Variants in GARS1 observed in about 807,000 individuals in gnomAD.
GARS1 encodes glycyl-tRNA synthetase 1.
Under a neutral mutation model 86.4 loss-of-function variants are expected in GARS1, and 46 were observed. That is an observed-to-expected ratio of 0.53 (90% confidence interval 0.42 to 0.68). The LOEUF is 0.68. Among genes scored for constraint, GARS1 ranks in the 30% least tolerant of loss-of-function variants. GARS1 has a pLI of 0.00. For missense variants in GARS1, 797 were observed against 915.6 expected (o/e 0.87, Z 1.67); for synonymous variants, 342 against 329.8 (o/e 1.04, Z -0.40).
chr7:30,609,454 G>T (rs1791549564), intron 6 of GARS1, 131 bp from the exon 7 acceptor site: 3 of 745,464 alleles, frequency 4.0e-6, no homozygotes, highest in Non-Finnish European at 7.0e-6. Context: ...TGTCCTGAAG[G>T]TTAGGTTAAT....
rs267601479 is a variant in GARS1 at position 30,615,951 on chromosome 7, C to G, written c.1087C>G (p.Pro363Ala). The G allele has an allele frequency of 3.1e-6, 5 of 1,613,994 alleles. No homozygotes were observed. The highest frequency in any genetic ancestry group is 2.7e-5 in the African/African-American group (2 of 74,896). Reference sequence around the variant, plus strand: ...TGTAGATCCCAGTGAGAAAGACCACCCCAAGTTCCAGAATGTGGCAGACCT... The same window carrying G: ...TGTAGATCCCAGTGAGAAAGACCACGCCAAGTTCCAGAATGTGGCAGACCT... ...HFVDPSEKDH[P>A]KFQNVADLHL... The change falls in exon 9 of 17, where the codon CCC becomes GCC. Residue 363 changes from proline to alanine, a missense_variant. By Grantham distance (27) the Pro-to-Ala change is conservative. Transcript: ENST00000389266.
intron 3 of GARS1, among the ~76,000 whole-genome samples, chr7:30,600,679 A>G (rs1791355249): frequency 6.6e-6 from 1 of 152,246 alleles, no homozygotes; most frequent in Non-Finnish European, 1.5e-5. Context: ...AGTGCCTCAA[A>G]TACCCAGGAA....
intron 8 of GARS1, among the ~76,000 whole-genome samples, chr7:30,615,490 A>G (rs945923098): frequency 2.0e-5 from 3 of 152,228 alleles, no homozygotes; most frequent in Admixed American, 6.5e-5. Flanking sequence ...TTAAAAAACT[A>G]TATTAATCTG....
At chr7:30,627,811 T>G (rs1237707591) in intron 13 of GARS1, among the ~76,000 whole-genome samples, 1 of 152,240 alleles carries the variant, frequency 6.6e-6, no homozygotes, top group Non-Finnish European at 1.5e-5. Flanking sequence ...ATGTAATACT[T>G]TTTGCATGTA....
At chr7:30,626,168 T>A in intron 12 of GARS1, 66 bp from the exon 13 acceptor site, 1 of 934,672 alleles carries the variant, frequency 1.1e-6, no homozygotes, top group Non-Finnish European at 1.7e-6. Flanking sequence ...ATCTACAAAA[T>A]TCCTTTAAAT....
In GARS1 at chr7:30,633,944, G is replaced by T; in HGVS notation, c.*84G>T. The T allele has an allele frequency of 1.3e-6, 2 of 1,518,806 alleles. No individual in the cohort carries two copies. Among genetic ancestry groups the T allele is most frequent in the East Asian group, 4.6e-5 (2 of 43,568 alleles). 94.1% of individuals were successfully genotyped at this position (1,518,806 alleles called of 1,614,324 possible). A position where few individuals can be genotyped will look rare whatever the true frequency, so the allele number is the denominator to read the frequency against. ...TATGTCCACTTTACAAAAGAAAACA[G>T]CATTGTGATTACTCCCAGGGACCGT... On this transcript the variant is annotated 3_prime_UTR_variant, in exon 17 of 17. Transcript: ENST00000389266.
At chr7:30,625,609 A>C (rs546462410) in intron 12 of GARS1, among the ~76,000 whole-genome samples, 1 of 152,354 alleles carries the variant, frequency 6.6e-6, no homozygotes, top group East Asian at 1.9e-4. Context: ...CTCTTTATAA[A>C]GATGAATTCT....
At position 30,609,880 on chromosome 7, in the gene GARS1, A is replaced by C. The variant is rs888449453; in HGVS notation, c.881+150A>C. On this transcript the variant is annotated intron_variant, in intron 7 of 16. Transcript: ENST00000389266. ...ATGTATTATGGAGAAATAATGGCAG[A>C]AATAAATCTTTTAAAAAATTCTTTC... The C allele has an allele frequency of 5.9e-6, 4 of 683,378 alleles. No individual in the cohort carries two copies. The African/African-American group carries it at 7.3e-5, about 12-fold the overall frequency. The allele number at this position is 683,378 out of a possible 1,614,324, so 42.3% of individuals were successfully genotyped here. A position where few individuals can be genotyped will look rare whatever the true frequency, so the allele number is the denominator to read the frequency against.
chr7:30,625,377 C>T (rs973704020), intron 12 of GARS1, among the ~76,000 whole-genome samples: 3 of 152,282 alleles, frequency 2.0e-5, no homozygotes, highest in Non-Finnish European at 2.9e-5. Flanking sequence ...ATAGTAAAAA[C>T]GGAAGAATTC....
In GARS1 at chr7:30,594,929, C is replaced by G; in HGVS notation, c.8C>G (p.Ser3Cys). The change falls in exon 1 of 17, where the codon TCT becomes TGT. Residue 3 changes from serine (S) to cysteine (C), a missense_variant. By Grantham distance (112) the Ser-to-Cys change is moderately radical. This residue lies in a region of GARS1 where 199 missense variants were observed against 176.9 expected (regional missense o/e 1.12). Transcript: ENST00000389266. ...GCCCAGGGCCGCAGGCTCATGCCCT[C>G]TCCGCGTCCAGTGCTGCTTAGAGGT... Reference protein sequence around the residue: MPSPRPVLLRGAR... With the variant: MPCPRPVLLRGAR... The G allele has an allele frequency of 6.3e-7, 1 of 1,589,328 alleles. No individual in the cohort carries two copies. Among genetic ancestry groups the G allele is most frequent in the South Asian group, 1.1e-5 (1 of 88,926 alleles).
intron 9 of GARS1, among the ~76,000 whole-genome samples, chr7:30,616,647 A>G (rs894681781): frequency 1.3e-5 from 2 of 152,216 alleles, no homozygotes; most frequent in African/African-American, 4.8e-5. Flanking sequence ...AGATGGGGCT[A>G]GATGTTTTCT....
In GARS1 at chr7:30,622,347, A is replaced by T. The variant is rs1168730606; in HGVS notation, c.1498A>T (p.Ser500Cys). Residue 500 changes from serine (S) to cysteine (C), a missense_variant, in exon 12 of 17, where the codon AGT becomes TGT. Physicochemically the swap from Ser to Cys is moderately radical, Grantham distance 112. This residue lies in a region of GARS1 where 598 missense variants were observed against 738.7 expected (regional missense o/e 0.81). Transcript: ENST00000389266. ...AGTCAATGTTGTTCAGTTTGAACCC[A>T]GTAAGGGAGCAATTGGTAAGGCATA... is the stretch of plus-strand genomic sequence containing the variant. ...KTVNVVQFEP[S>C]KGAIGKAYKK... 3.7e-6 allele frequency: 6 copies of T among 1,614,178 alleles called. No individual in the cohort carries two copies. The Admixed American group carries it at 1.0e-4, about 27-fold the overall frequency.
Position 30,617,269 on chromosome 7 carries a change from A to G in GARS1, c.1350A>G (p.Lys450=). The change falls in exon 10 of 17, where the codon AAA becomes AAG. Residue 450 remains lysine, a synonymous_variant. Coordinates refer to ENST00000389266, the MANE Select transcript of GARS1 (RefSeq NM_002047.4). ...YACDCWDAES[K]TSYGWIEIVG... ...GTGACTGTTGGGATGCAGAATCCAA[A>G]ACATCCTACGTAAGTGGAGTGCTGT... 6.2e-7 allele frequency: 1 copy of G among 1,613,984 alleles called. No individual in the cohort carries two copies. The highest frequency in any genetic ancestry group is 1.1e-5 in the South Asian group (1 of 91,066).
At position 30,615,985 on chromosome 7, in the gene GARS1, A is replaced by G. The variant is rs2128134475; in HGVS notation, c.1121A>G (p.Tyr374Cys). 3 of 1,614,174 alleles carry G rather than the reference A, an allele frequency of 1.9e-6. No individual in the cohort carries two copies. Among genetic ancestry groups the G allele is most frequent in the East Asian group, 2.2e-5 (1 of 44,892 alleles). ...CAGAATGTGGCAGACCTTCACCTTT[A>G]TTTGTATTCAGCAAAAGCCCAGGTC... ...KFQNVADLHL[Y>C]LYSAKAQVSG... The change falls in exon 9 of 17, where the codon TAT becomes TGT. Residue 374 changes from tyrosine (Y) to cysteine (C), a missense_variant. Physicochemically the swap from Tyr to Cys is radical, Grantham distance 194. Coordinates refer to ENST00000389266, the MANE Select transcript of GARS1 (RefSeq NM_002047.4).
intron 3 of GARS1, 140 bp from the exon 4 acceptor site, chr7:30,600,919 G>C: frequency 1.4e-6 from 1 of 713,530 alleles, no homozygotes; most frequent in Non-Finnish European, 2.4e-6. Context: ...CTGAAAGTAA[G>C]GTTCTTCAGT....
chr7:30,602,637 A>G (rs946207195), intron 4 of GARS1, among the ~76,000 whole-genome samples: 3 of 152,226 alleles, frequency 2.0e-5, no homozygotes, highest in South Asian at 2.1e-4. Context: ...TTAAGGTTCA[A>G]TGTCTATACT....
At chr7:30,595,313 G>A (rs771148911) in intron 1 of GARS1, among the ~76,000 whole-genome samples, 170 bp downstream of exon 1, 1 of 152,002 alleles carries the variant, frequency 6.6e-6, no homozygotes, top group Non-Finnish European at 1.5e-5. Flanking sequence ...CAAGTCCCCC[G>A]TGCGTCAGCC....
intron 6 of GARS1, among the ~76,000 whole-genome samples, chr7:30,606,305 C>CTTT (rs35302357): frequency 4.7e-5 from 6 of 127,506 alleles, no homozygotes; most frequent in Admixed American, 1.6e-4. Context: ...CATTGTTATT[C>CTTT]TTTTTTTTTT....
chr7:30,595,137 C>G lies in GARS1; in HGVS notation c.216C>G (p.Arg72=). Residue 72 remains arginine (R), a synonymous_variant, in exon 1 of 17, where the codon CGC becomes CGG. Transcript: ENST00000389266. ...EVLAPLRLAV[R]QQGDLVRKLK... ...TGGCACCTCTGAGGCTAGCAGTGCGCCAGCAGGTACCGGTGTTTTGCGCTC... is the reference window on the plus strand; with the variant it reads ...TGGCACCTCTGAGGCTAGCAGTGCGGCAGCAGGTACCGGTGTTTTGCGCTC... 1 of 1,537,322 alleles carries G rather than the reference C, an allele frequency of 6.5e-7. No homozygotes were observed. Among genetic ancestry groups the G allele is most frequent in the East Asian group, 2.4e-5 (1 of 40,978 alleles).
Sources: allele counts gnomAD v4.1 joint callset (sites outside exome capture counted in the v4.1 genomes callset), GRCh38; gene constraint gnomAD v4.1.1; regional missense constraint gnomAD v4.1.1; transcripts MANE v1.5; gene names NCBI Gene and HGNC (gene_info 2026-07-23, HGNC 2026-07-21).